Variants in RNF6 observed in about 807,000 individuals in gnomAD.
The protein encoded by RNF6 is E3 ubiquitin-protein ligase RNF6.
RNF6 carries 21 observed loss-of-function variants against 50.1 expected under a neutral mutation model. The ratio of observed to expected loss-of-function variants is 0.42; its 90% CI spans 0.30 to 0.60. The LOEUF (loss-of-function observed/expected upper bound fraction) is 0.60, where lower values mean the gene tolerates loss of function less well. Among genes scored for constraint, RNF6 ranks in the 20% least tolerant of loss-of-function variants. The pLI, the probability that RNF6 is intolerant of heterozygous loss-of-function variation, is 0.20. For missense variants in RNF6, 698 were observed against 838.2 expected (o/e 0.83, Z 2.07); for synonymous variants, 255 against 291.8 (o/e 0.87, Z 1.29).
chr13:26,171,876 G>A (rs1872710280), intron 5 of RNF6, among the ~76,000 whole-genome samples: 1 of 152,170 alleles, frequency 6.6e-6, no homozygotes, highest in Non-Finnish European at 1.5e-5. Flanking sequence ...AGAAAAAGTA[G>A]AATAATAGAA....
At chr13:26,201,270 G>C (rs963501630) in intron 5 of RNF6, among the ~76,000 whole-genome samples, 1 of 152,144 alleles carries the variant, frequency 6.6e-6, no homozygotes, top group Non-Finnish European at 1.5e-5. Context: ...GTGATTTCTC[G>C]TAAAGCTAGC....
intron 5 of RNF6, among the ~76,000 whole-genome samples, chr13:26,158,745 T>A (rs1593156065): frequency 6.6e-6 from 1 of 152,246 alleles, no homozygotes; most frequent in East Asian, 1.9e-4. Flanking sequence ...GTGTATTGAA[T>A]TTTTAACAAA....
intron 5 of RNF6, among the ~76,000 whole-genome samples, chr13:26,147,675 G>A (rs977065309): frequency 1.3e-5 from 2 of 152,170 alleles, no homozygotes; most frequent in Admixed American, 1.3e-4. Context: ...TCATTTAAGA[G>A]TAGAACTCCC....
chr13:26,203,186 T>C (rs1868961033), intron 5 of RNF6, among the ~76,000 whole-genome samples: 1 of 152,154 alleles, frequency 6.6e-6, no homozygotes, highest in Admixed American at 6.5e-5. Flanking sequence ...TCATACTGAG[T>C]GCAGGTTGGG....
intron 5 of RNF6, among the ~76,000 whole-genome samples, chr13:26,175,252 T>C (rs1259932063): frequency 2.6e-5 from 4 of 152,116 alleles, no homozygotes; most frequent in Non-Finnish European, 4.4e-5. Flanking sequence ...GGCTAATTTT[T>C]GTAGATTTAG....
chr13:26,144,794 G>C (rs925600088), intron 5 of RNF6: 1 of 152,290 alleles, frequency 6.6e-6, no homozygotes, highest in African/African-American at 2.4e-5. Flanking sequence ...AGTGTAGCAA[G>C]AGTGGGGACC....
At chr13:26,165,787 A>G (rs1475239966) in intron 5 of RNF6, among the ~76,000 whole-genome samples, 1 of 152,306 alleles carries the variant, frequency 6.6e-6, no homozygotes, top group East Asian at 1.9e-4. Context: ...CCCAATGCCT[A>G]TACTCCCATT....
intron 5 of RNF6, among the ~76,000 whole-genome samples, chr13:26,162,090 T>G (rs1392766612): frequency 1.3e-5 from 2 of 152,178 alleles, no homozygotes; most frequent in Non-Finnish European, 2.9e-5. Flanking sequence ...AGACTGCCTT[T>G]CCAGGGCTAG....
chr13:26,178,204 A>G lies in RNF6; in HGVS notation n.768+37270T>C, dbSNP rs545960673. 3.9e-5 allele frequency among the ~76,000 whole-genome samples: 6 copies of G among 152,258 alleles called. No homozygotes were observed. In the South Asian group the frequency reaches 1.2e-3, roughly 32 times the overall value. On this transcript the variant is annotated intron_variant and non_coding_transcript_variant, in intron 5 of 5. Coordinates refer to the RNF6 transcript ENST00000468480. ...ACTCCACCTCAAAAAATAAAATTAA[A>G]TAAAATCCCTTAATTGAGTAGCTAA...
intron 2 of RNF6, 89 bp downstream of exon 2, chr13:26,221,159 C>T (rs988917929): frequency 2.0e-5 from 3 of 152,176 alleles, no homozygotes; most frequent in Non-Finnish European, 4.4e-5. Flanking sequence ...ATCATAAAAT[C>T]AAGTTACCCT....
intron 5 of RNF6, among the ~76,000 whole-genome samples, chr13:26,177,480 T>C (rs968498039): frequency 2.0e-5 from 3 of 152,174 alleles, no homozygotes; most frequent in African/African-American, 7.2e-5. Context: ...TCTGTCTTGG[T>C]TTCTTTCTCT....
chr13:26,218,543 T>A lies in RNF6; in HGVS notation c.257A>T (p.Gln86Leu). Residue 86 changes from glutamine to leucine, a missense_variant, in exon 4 of 5, where the codon CAG (glutamine) becomes CTG (leucine). Physicochemically the swap from Gln to Leu is moderately radical, Grantham distance 113 (BLOSUM62 -2). Transcript: ENST00000381588. ...LDGVKEQLAS[Q>L]PDLRDGTNYR... The stretch of plus-strand genomic sequence containing the variant: ...ATTCGTTCCATCTCTCAAGTCAGGC[T>A]GAGATGCTAGTTGTTCCTTGACGCC... 1 of 1,611,180 alleles carries A rather than the reference T, an allele frequency of 6.2e-7. No individual in the cohort carries two copies. The highest frequency in any genetic ancestry group is 1.1e-5 in the South Asian group (1 of 91,024).
intron 5 of RNF6, among the ~76,000 whole-genome samples, chr13:26,173,450 T>C (rs905170360): frequency 1.1e-4 from 16 of 152,154 alleles, no homozygotes; most frequent in African/African-American, 3.9e-4. Context: ...CTAAGAGTGA[T>C]GTGAAAATGA....
At chr13:26,216,884 G>C (rs1322811859) in intron 4 of RNF6, among the ~76,000 whole-genome samples, 1 of 152,158 alleles carries the variant, frequency 6.6e-6, no homozygotes, top group African/African-American at 2.4e-5. Flanking sequence ...GAACCCGGGA[G>C]GCAGAGGTTG....
chr13:26,145,219 C>A (rs1871162696), intron 5 of RNF6, among the ~76,000 whole-genome samples: 1 of 152,240 alleles, frequency 6.6e-6, no homozygotes, highest in Non-Finnish European at 1.5e-5. Flanking sequence ...GGTGCAACAG[C>A]TGAAAGTGGA....
intron 5 of RNF6, among the ~76,000 whole-genome samples, chr13:26,145,192 G>T (rs1317562452): frequency 6.6e-6 from 1 of 152,252 alleles, no homozygotes; most frequent in Non-Finnish European, 1.5e-5. Flanking sequence ...ATTTGCTCAA[G>T]TGATAAAATC....
intron 5 of RNF6, among the ~76,000 whole-genome samples, chr13:26,174,502 A>G (rs1872856933): frequency 6.6e-6 from 1 of 151,488 alleles, no homozygotes; most frequent in Non-Finnish European, 1.5e-5. Context: ...AATACAAAAA[A>G]AAAATTAGCT....
chr13:26,221,527 CTT>C (rs985093557), intron 1 of RNF6, 197 bp from the exon 2 acceptor site: 4 of 152,294 alleles, frequency 2.6e-5, no homozygotes, highest in South Asian at 4.1e-4. Context: ...CCGCAACAAA[CTT>C]AGGCCTTTCG....
chr13:26,204,496 C>CAAAAAAAAAAAAAAAAAAAA (rs71080239), intron 5 of RNF6, among the ~76,000 whole-genome samples: 1 of 68,966 alleles, frequency 1.4e-5, no homozygotes, highest in African/African-American at 5.8e-5. Context: ...GACTCCACCT[C>CAAAAAAAAAAAAAAAAAAAA]AAAAAAAAAA....
Sources: gnomAD v4.1 joint callset for allele counts (sites outside exome capture counted in the v4.1 genomes callset) on GRCh38, gnomAD v4.1.1 for gene constraint, MANE v1.5 for transcripts, NCBI Gene and HGNC (gene_info 2026-07-23, HGNC 2026-07-21) for gene names.